The following MYH14 variants were observed in gnomAD, a reference collection of about 807,000 sequenced individuals.
MYH14 encodes myosin-14.
A neutral mutation model predicts 255.5 loss-of-function variants in MYH14; 123 were observed. That is an observed-to-expected ratio of 0.48 (90% CI 0.42 to 0.56). The LOEUF is 0.56. MYH14 is among the 20% of genes least tolerant of loss of function. The pLI, the probability that MYH14 is intolerant of heterozygous loss-of-function variation, is 0.00. For synonymous variants in MYH14, 1,095 were observed against 1,161.2 expected, an observed-to-expected ratio of 0.94 and a Z score of 1.16; for missense variants, 2,423 against 2,802.3, an observed-to-expected ratio of 0.86 and a Z score of 3.06.
intron 33 of MYH14, among the ~76,000 whole-genome samples, chr19:50,283,330 G>A (rs1424312516): frequency 6.6e-6 from 1 of 152,144 alleles, no homozygotes; most frequent in African/African-American, 2.4e-5. Context: ...ATTTTGGCAA[G>A]GCTGGTCTCG....
chr19:50,301,312 G>A (rs1289339891), intron 39 of MYH14, among the ~76,000 whole-genome samples: 1 of 152,118 alleles, frequency 6.6e-6, no homozygotes, highest in Non-Finnish European at 1.5e-5. Flanking sequence ...TCCCCCAGAT[G>A]ATCCTGGTGC....
intron 39 of MYH14, among the ~76,000 whole-genome samples, chr19:50,300,470 C>T (rs181820164): frequency 1.3e-5 from 2 of 152,132 alleles, no homozygotes; most frequent in East Asian, 1.9e-4. Flanking sequence ...AGTTTGAGGC[C>T]GGGCGTGGTG....
intron 2 of MYH14, among the ~76,000 whole-genome samples, chr19:50,214,644 G>A (rs117149224): frequency 0.019 from 2,961 of 152,230 alleles, 44 homozygotes; most frequent in Middle Eastern, 0.034. Context: ...TTCACACACA[G>A]CTCAAAAATG....
chr19:50,272,489 G>C, intron 26 of MYH14, 71 bp from the exon 27 acceptor site: 1 of 1,505,684 alleles, frequency 6.6e-7, no homozygotes, highest in South Asian at 1.2e-5. Context: ...CTGGGGACCT[G>C]TGGTCTCTGT....
chr19:50,266,474 G>A lies in MYH14; in HGVS notation c.2695-403G>A, dbSNP rs987840840. On this transcript the variant is annotated intron_variant, in intron 22 of 42. Coordinates refer to ENST00000642316, the MANE Select transcript of MYH14 (RefSeq NM_001145809.2). This position sits in a 1 kb window ranked among gnomAD's most constrained non-coding sequence, Gnocchi z 4.1. ...CTCGGGAGGCTGAGGCAGGAGAATC[G>A]CTTGAACCTGGGAGGCAGAGGTTGC... Among the ~76,000 whole-genome samples the A allele has an allele frequency of 1.3e-5, 2 of 152,070 alleles. No individual in the cohort carries two copies. The highest frequency in any genetic ancestry group is 4.8e-5 in the African/African-American group (2 of 41,416).
intron 40 of MYH14, 106 bp from the exon 41 acceptor site, chr19:50,306,943 G>A (rs1601077511): frequency 4.8e-6 from 4 of 825,848 alleles, no homozygotes; most frequent in Non-Finnish European, 8.0e-6. Flanking sequence ...AGGAAAGAGG[G>A]AAGAAGCCAA....
In MYH14 at chr19:50,207,271, C is replaced by CAGAGAGAGAGAGAGAGAGAGAGAGAGAG. The variant is rs764396652; in HGVS notation, c.-3-3076_-3-3049dup. Among the ~76,000 whole-genome samples, 25 of 76,830 alleles carry CAGAGAGAGAGAGAGAGAGAGAGAGAGAG rather than the reference C, an allele frequency of 3.3e-4. 1 individual carries two copies. Among genetic ancestry groups the CAGAGAGAGAGAGAGAGAGAGAGAGAGAG allele is most frequent in the East Asian group, 2.8e-3 (7 of 2,478 alleles). The allele number at this position is 76,830 out of a possible 152,430, so 50.4% of individuals were successfully genotyped here. Reference sequence around the variant, plus strand: ...AGAGAGAGAGAAAGAGAGAGAGAGACAGAGAGAGAGAGAGAGAGAGAGAGA... The same window carrying CAGAGAGAGAGAGAGAGAGAGAGAGAGAG: ...AGAGAGAGAGAAAGAGAGAGAGAGACAGAGAGAGAGAGAGAGAGAGAGAGAGAGAGAGAGAGAGAGAGAGAGAGAGAGA... On this transcript the variant is annotated intron_variant, in intron 1 of 42. Coordinates refer to ENST00000642316, the MANE Select transcript of MYH14 (RefSeq NM_001145809.2).
intron 22 of MYH14, among the ~76,000 whole-genome samples, chr19:50,263,772 A>C (rs1198829370): frequency 1.3e-5 from 2 of 152,128 alleles, no homozygotes; most frequent in East Asian, 3.9e-4. Context: ...AAAACAGCAA[A>C]GGTGCTGGGT....
rs962156529 is a variant in MYH14, at chr19:50,230,917, G to A, written c.973+294G>A. The stretch of plus-strand genomic sequence containing the variant: ...CTCACGCTCGCTTCCGAAGCTCCGT[G>A]GCTTCTCTCTCGCGCGGCTTCTCCT... On this transcript the variant is annotated intron_variant, in intron 9 of 42. Coordinates refer to ENST00000642316, the MANE Select transcript of MYH14 (RefSeq NM_001145809.2). The surrounding 1 kb of genome is among the most constrained non-coding windows in gnomAD (Gnocchi z 4.7). 2.4e-6 allele frequency: 1 copy of A among 420,364 alleles called. No homozygotes were observed. Among genetic ancestry groups the A allele is most frequent in the African/African-American group, 2.0e-5 (1 of 49,590 alleles). 26.0% of individuals were successfully genotyped at this position (420,364 alleles called of 1,614,324 possible).
intron 33 of MYH14, 170 bp from the exon 34 acceptor site, chr19:50,286,312 G>A (rs1367883688): frequency 1.6e-6 from 1 of 638,014 alleles, no homozygotes; most frequent in East Asian, 2.8e-5. Context: ...AGTTAAGCTG[G>A]TTTGGGACAC....
intron 41 of MYH14, among the ~76,000 whole-genome samples, chr19:50,307,609 G>T (rs1325785143): frequency 6.6e-6 from 1 of 152,180 alleles, no homozygotes; most frequent in Non-Finnish European, 1.5e-5. Flanking sequence ...CTGGTAAGAG[G>T]TGGGGTCAGT....
chr19:50,283,870 T>A (rs2035801668), intron 33 of MYH14, among the ~76,000 whole-genome samples: 1 of 152,122 alleles, frequency 6.6e-6, no homozygotes, highest in Non-Finnish European at 1.5e-5. Flanking sequence ...GTTGGGAGTT[T>A]GAGACCAGCC....
At chr19:50,227,073 A>C in intron 8 of MYH14, 107 bp downstream of exon 8, 1 of 664,928 alleles carries the variant, frequency 1.5e-6, no homozygotes, top group East Asian at 5.9e-5. Context: ...CCTGCTACTC[A>C]GATGGGACCT....
At chr19:50,258,291 C>T (rs1423834909) in intron 18 of MYH14, among the ~76,000 whole-genome samples, 2 of 152,020 alleles carry the variant, frequency 1.3e-5, no homozygotes, top group Non-Finnish European at 2.9e-5. Flanking sequence ...TCTCTGAAGT[C>T]GAGATGTAGC....
chr19:50,297,162 T>A (rs1046196522), intron 39 of MYH14, among the ~76,000 whole-genome samples: 8 of 152,060 alleles, frequency 5.3e-5, no homozygotes, highest in African/African-American at 1.7e-4. Context: ...ATATTTGTAT[T>A]TTTAATAGGG....
chr19:50,260,449 G>A (rs533419528), intron 19 of MYH14, among the ~76,000 whole-genome samples, 197 bp from the exon 20 acceptor site: 1 of 152,196 alleles, frequency 6.6e-6, no homozygotes, highest in South Asian at 2.1e-4. Context: ...ACAAAAAACT[G>A]AAACAGTCGA....
intron 1 of MYH14, among the ~76,000 whole-genome samples, chr19:50,205,711 T>C (rs1227568401): frequency 6.6e-6 from 1 of 152,052 alleles, no homozygotes; most frequent in East Asian, 1.9e-4. Flanking sequence ...CCCGAACTTC[T>C]GGGTCCTGGG....
intron 20 of MYH14, among the ~76,000 whole-genome samples, 175 bp downstream of exon 20, chr19:50,260,890 T>TGTGTGTGCATGC (rs2034822961): frequency 2.7e-5 from 4 of 148,546 alleles, no homozygotes; most frequent in African/African-American, 7.3e-5. Context: ...TGTGTGCATG[T>TGTGTGTGCATGC]GTGTGTGTGC....
chr19:50,253,630 C>T (rs190731689), intron 16 of MYH14, among the ~76,000 whole-genome samples: 6 of 152,100 alleles, frequency 3.9e-5, no homozygotes, highest in Admixed American at 3.3e-4. Context: ...GCTTTCCTGC[C>T]CCCAAAAGGC....
Sources: gnomAD v4.1 joint callset for allele counts (sites outside exome capture counted in the v4.1 genomes callset) on GRCh38, gnomAD v4.1.1 for gene constraint, Gnocchi (gnomAD v3.1) non-coding constraint, MANE v1.5 for transcripts, NCBI Gene and HGNC (gene_info 2026-07-23, HGNC 2026-07-21) for gene names.